OPCML: variants seen among roughly 807,000 people sequenced by gnomAD.
The protein encoded by OPCML is opioid-binding protein/cell adhesion molecule.
OPCML carries 13 observed loss-of-function variants against 37.8 expected under a neutral mutation model. The observed-to-expected ratio is 0.34, with a 90% CI of 0.22 to 0.55. The LOEUF is 0.55. Among genes scored for constraint, OPCML ranks in the 20% least tolerant of loss-of-function variants. The pLI is 0.91. For missense variants in OPCML, 341 were observed against 435.6 expected (o/e 0.78, Z 1.93); for synonymous variants, 176 against 168.8 (o/e 1.04, Z -0.33).
intron 2 of OPCML, among the ~76,000 whole-genome samples, chr11:132,789,749 G>T (rs540182442): frequency 6.6e-6 from 1 of 152,154 alleles, no homozygotes; most frequent in Non-Finnish European, 1.5e-5. Context: ...AGATTATCTC[G>T]TAAACTGTTC....
chr11:132,747,495 C>CA (rs1220668967), intron 2 of OPCML, among the ~76,000 whole-genome samples: 3 of 152,150 alleles, frequency 2.0e-5, no homozygotes, highest in African/African-American at 7.2e-5. Context: ...GATCCCAACA[C>CA]AGAGAAATTT....
At chr11:132,535,319 T>G (rs551770034) in intron 3 of OPCML, among the ~76,000 whole-genome samples, 15 of 152,154 alleles carry the variant, frequency 9.9e-5, no homozygotes, top group Admixed American at 9.2e-4. Context: ...AGAAATTGGC[T>G]TTTAAAATGT....
At chr11:133,464,616 A>G (rs1946934769) in intron 1 of OPCML, among the ~76,000 whole-genome samples, 1 of 152,170 alleles carries the variant, frequency 6.6e-6, no homozygotes, top group Admixed American at 6.5e-5. Flanking sequence ...TCCTGTGAGA[A>G]GAAAGGCCCA....
chr11:133,374,368 T>G (rs1282049944), intron 1 of OPCML, among the ~76,000 whole-genome samples: 3 of 152,182 alleles, frequency 2.0e-5, no homozygotes, highest in Non-Finnish European at 2.9e-5. Context: ...CCAAGAGGCA[T>G]GAGGAAACGT....
intron 1 of OPCML, among the ~76,000 whole-genome samples, chr11:133,349,531 C>T (rs1296740192): frequency 6.6e-6 from 1 of 152,214 alleles, no homozygotes; most frequent in Non-Finnish European, 1.5e-5. Context: ...ATACCCTATA[C>T]TTCAAGTGGA....
intron 1 of OPCML, among the ~76,000 whole-genome samples, chr11:133,183,814 G>A (rs1317063516): frequency 6.6e-6 from 1 of 152,062 alleles, no homozygotes; most frequent in African/African-American, 2.4e-5. Flanking sequence ...TGAACCTGAG[G>A]GAAACTCATA....
intron 1 of OPCML, among the ~76,000 whole-genome samples, chr11:133,232,926 C>T (rs1329022762): frequency 6.6e-6 from 1 of 152,186 alleles, no homozygotes; most frequent in Non-Finnish European, 1.5e-5. Flanking sequence ...TTAGAATATA[C>T]TGCCTTTGTA....
chr11:133,378,071 C>T (rs1565602527), intron 1 of OPCML, among the ~76,000 whole-genome samples: 1 of 152,198 alleles, frequency 6.6e-6, no homozygotes, highest in Non-Finnish European at 1.5e-5. Context: ...AGCCATATAG[C>T]TTATCCAATT....
chr11:132,671,885 A>G (rs1347004132), intron 2 of OPCML, among the ~76,000 whole-genome samples: 3 of 152,192 alleles, frequency 2.0e-5, no homozygotes, highest in Non-Finnish European at 2.9e-5. Flanking sequence ...TTAGAAATGC[A>G]TATGTAGAAA....
chr11:132,600,553 A>G (rs937442976), intron 3 of OPCML, among the ~76,000 whole-genome samples: 1 of 152,140 alleles, frequency 6.6e-6, no homozygotes, highest in Non-Finnish European at 1.5e-5. Flanking sequence ...TAGGCTAAAA[A>G]GAAAAGTACA....
chr11:133,226,710 T>C lies in OPCML; in HGVS notation c.62-283700A>G, dbSNP rs1040486846. Among the ~76,000 whole-genome samples, 8 of 152,222 alleles carry C rather than the reference T, an allele frequency of 5.3e-5. No individual in the cohort carries two copies. In the South Asian group the frequency reaches 8.3e-4, roughly 16 times the overall value. ...TCAAGCTAATGGGACCAATTCAATT[T>C]TTCTCTTACAGAGGGAGCTTCAGAG... is the stretch of plus-strand genomic sequence containing the variant. On this transcript the variant is annotated intron_variant, in intron 1 of 7. Transcript: ENST00000524381.
At chr11:132,744,001 A>G (rs569172492) in intron 2 of OPCML, among the ~76,000 whole-genome samples, 5 of 152,204 alleles carry the variant, frequency 3.3e-5, no homozygotes. Flanking sequence ...ATGCGTACCT[A>G]CTCTAATCAT....
chr11:133,122,053 C>A (rs1191099441), intron 1 of OPCML, among the ~76,000 whole-genome samples: 1 of 152,132 alleles, frequency 6.6e-6, no homozygotes, highest in Non-Finnish European at 1.5e-5. Context: ...TCAAGGCTCC[C>A]ATATTCTCAT....
At chr11:133,349,300 G>T (rs1438976215) in intron 1 of OPCML, among the ~76,000 whole-genome samples, 1 of 152,220 alleles carries the variant, frequency 6.6e-6, no homozygotes, top group African/African-American at 2.4e-5. Flanking sequence ...TACATTTATA[G>T]ACTTAGCAAT....
At chr11:133,344,647 GA>G (rs1377469017) in intron 1 of OPCML, among the ~76,000 whole-genome samples, 4 of 152,094 alleles carry the variant, frequency 2.6e-5, no homozygotes, top group Admixed American at 2.0e-4. Context: ...CTCTTTTTGA[GA>G]ACCCCCCACA....
intron 5 of OPCML, 80 bp from the exon 6 acceptor site, chr11:132,436,859 C>T (rs2096014987): frequency 3.2e-6 from 5 of 1,544,418 alleles, no homozygotes; most frequent in Non-Finnish European, 1.8e-6. Flanking sequence ...AGATGAAGGG[C>T]ACATCCAGCC....
chr11:132,810,092 G>A (rs1453458044), intron 2 of OPCML, among the ~76,000 whole-genome samples: 1 of 151,736 alleles, frequency 6.6e-6, no homozygotes, highest in Non-Finnish European at 1.5e-5. Flanking sequence ...CTCGTGATCC[G>A]CCCGCCTCAG....
intron 1 of OPCML, among the ~76,000 whole-genome samples, chr11:133,440,492 C>T (rs781621524): frequency 1.3e-5 from 2 of 151,060 alleles, no homozygotes; most frequent in Non-Finnish European, 2.9e-5. Flanking sequence ...TTTGGGAGGC[C>T]GAGGTGGGTG....
At chr11:132,701,789 TG>T (rs1157768841) in intron 2 of OPCML, among the ~76,000 whole-genome samples, 121 of 146,778 alleles carry the variant, frequency 8.2e-4, no homozygotes, top group Admixed American at 1.6e-3. Context: ...TGTGTGTGTG[TG>T]TGTGTGGTGG....
Sources: allele counts gnomAD v4.1 joint callset (sites outside exome capture counted in the v4.1 genomes callset), GRCh38; gene constraint gnomAD v4.1.1; transcripts MANE v1.5; gene names NCBI Gene and HGNC (gene_info 2026-07-23, HGNC 2026-07-21).